KIAA1671: variants seen among roughly 807,000 people sequenced by gnomAD.
The protein encoded by KIAA1671 is KIAA1671, also known as uncharacterized protein KIAA1671.
Under a neutral mutation model 131.2 loss-of-function variants are expected in KIAA1671, and 52 were observed. That is an observed-to-expected ratio of 0.40 (90% CI 0.32 to 0.50). The LOEUF (loss-of-function observed/expected upper bound fraction) is 0.50, where lower values mean the gene tolerates loss of function less well. Ranked by LOEUF, KIAA1671 falls within the 20% of genes least tolerant of loss-of-function variation. The probability of loss-of-function intolerance (pLI) is 0.73; values close to 1 mark genes in which losing one functional copy is unlikely to be tolerated. For synonymous variants in KIAA1671, 1,003 were observed against 961.6 expected (o/e 1.04, Z -0.80); for missense variants, 2,360 against 2,364.2 (o/e 1.00, Z 0.04).
chr22:25,081,255 T>C (rs1929391472), intron 6 of KIAA1671, among the ~76,000 whole-genome samples: 1 of 152,226 alleles, frequency 6.6e-6, no homozygotes, highest in African/African-American at 2.4e-5. Flanking sequence ...AGTTTCTTCC[T>C]GTGCACAATC....
chr22:25,163,397 T>C (rs1196734979), intron 6 of KIAA1671, among the ~76,000 whole-genome samples: 1 of 139,418 alleles, frequency 7.2e-6, no homozygotes, highest in Non-Finnish European at 1.5e-5. Flanking sequence ...CATCTTTCTG[T>C]GACAGTAAAT....
chr22:24,977,399 G>A (rs537940933), intron 1 of KIAA1671, among the ~76,000 whole-genome samples: 1 of 152,192 alleles, frequency 6.6e-6, no homozygotes, highest in Non-Finnish European at 1.5e-5. Context: ...GATAAACCGG[G>A]CTGGAGGCCT....
intron 6 of KIAA1671, among the ~76,000 whole-genome samples, chr22:25,117,658 G>T (rs542787309): frequency 1.3e-5 from 2 of 149,172 alleles, no homozygotes; most frequent in East Asian, 2.0e-4. Flanking sequence ...TTCAGCAAGT[G>T]GGGGAGAATT....
At chr22:25,018,382 CTT>C (rs1199522807) in intron 1 of KIAA1671, among the ~76,000 whole-genome samples, 3 of 144,866 alleles carry the variant, frequency 2.1e-5, no homozygotes, top group Admixed American at 6.9e-5. Context: ...TAGGTTTTTG[CTT>C]TTTTTTTTTA....
rs992208009 is a variant in KIAA1671, at chr22:25,194,655, C to A, written c.*2254C>A. ...TAATTGGAAAAATAATCAATTAATT[C>A]TATGTTAATTAGGATATACAAAGTT... On this transcript the variant is annotated 3_prime_UTR_variant, in exon 13 of 13. Transcript: ENST00000358431. The A allele has an allele frequency of 6.6e-6, 1 of 152,118 alleles. No homozygotes were observed. Among genetic ancestry groups the A allele is most frequent in the African/African-American group, 2.4e-5 (1 of 41,416 alleles). The allele number at this position is 152,118 out of a possible 1,614,324, so 9.4% of individuals were successfully genotyped here. A position where few individuals can be genotyped will look rare whatever the true frequency, so the allele number is the denominator to read the frequency against.
intron 1 of KIAA1671, among the ~76,000 whole-genome samples, chr22:24,979,163 T>G (rs1386347659): frequency 3.2e-5 from 4 of 125,120 alleles, no homozygotes; most frequent in Admixed American, 8.2e-5. Flanking sequence ...GCCTGGCTAA[T>G]TTTTGTATTT....
At chr22:25,090,374 A>AC (rs756973579) in intron 6 of KIAA1671, among the ~76,000 whole-genome samples, 4 of 152,032 alleles carry the variant, frequency 2.6e-5, no homozygotes, top group Non-Finnish European at 5.9e-5. Context: ...TTTAGCTGGG[A>AC]CCCCACCCTA....
Position 25,028,320 on chromosome 22 carries a change from C to T in KIAA1671, c.321C>T (p.Asp107=). 1 of 1,551,032 alleles carries T rather than the reference C, an allele frequency of 6.4e-7. No homozygotes were observed. ...AGGAGCCAGCAGCAAAGGATCTGGA[C>T]AACAGGATGCCCGGCTTGGTGGGGC... ...LSEEPAAKDL[D]NRMPGLVGQE... is the part of the protein sequence containing the mutation. The change falls in exon 3 of 13, where the codon GAC becomes GAT. Residue 107 remains aspartate (D), a synonymous_variant. Coordinates refer to ENST00000358431, the MANE Select transcript of KIAA1671 (RefSeq NM_001145206.2).
At chr22:25,170,213 G>A (rs547671786) in intron 6 of KIAA1671, among the ~76,000 whole-genome samples, 9 of 152,148 alleles carry the variant, frequency 5.9e-5, no homozygotes, top group East Asian at 3.9e-4. Flanking sequence ...ATGCCCGGCC[G>A]TAATTTCATG....
At chr22:25,188,862 A>C (rs1383279741) in intron 11 of KIAA1671, among the ~76,000 whole-genome samples, 1 of 152,208 alleles carries the variant, frequency 6.6e-6, no homozygotes, top group African/African-American at 2.4e-5. Flanking sequence ...CAGGGGCGGC[A>C]GAGGCAGAAG....
chr22:25,089,814 G>A (rs540790525), intron 6 of KIAA1671, among the ~76,000 whole-genome samples: 52 of 152,270 alleles, frequency 3.4e-4, no homozygotes, highest in African/African-American at 1.2e-3. Context: ...GAACATTGTT[G>A]TGCAGACACC....
chr22:25,074,337 T>C (rs1340962804), intron 6 of KIAA1671, among the ~76,000 whole-genome samples: 1 of 151,358 alleles, frequency 6.6e-6, no homozygotes, highest in African/African-American at 2.4e-5. Context: ...AAACCACATC[T>C]ACACTAAAAA....
chr22:25,150,548 A>G (rs1933000285), intron 6 of KIAA1671, among the ~76,000 whole-genome samples: 2 of 151,996 alleles, frequency 1.3e-5, no homozygotes, highest in Admixed American at 6.6e-5. Flanking sequence ...CGACACCCCA[A>G]CACCCTTCTC....
intron 6 of KIAA1671, among the ~76,000 whole-genome samples, chr22:25,065,764 C>T (rs149461545): frequency 2.6e-3 from 387 of 151,710 alleles, no homozygotes; most frequent in African/African-American, 8.8e-3. Context: ...CTCAGCCTCC[C>T]GAGTAGGTGG....
Position 25,192,881 on chromosome 22 carries a change from T to C in KIAA1671, c.*480T>C, listed in dbSNP as rs1934713616. 1 of 152,110 alleles carries C rather than the reference T, an allele frequency of 6.6e-6. No individual in the cohort carries two copies. Among genetic ancestry groups the C allele is most frequent in the Non-Finnish European group, 1.5e-5 (1 of 68,002 alleles). 9.4% of individuals were successfully genotyped at this position (152,110 alleles called of 1,614,324 possible). On this transcript the variant is annotated 3_prime_UTR_variant, in exon 13 of 13. Transcript: ENST00000358431. ...AGATCAAACTGTTCATTTTCTGCTG[T>C]AGTCTCGGTGCAGGGTATTACCGCT... is the stretch of plus-strand genomic sequence containing the variant.
At chr22:24,966,430 T>C (rs1194698852) in intron 1 of KIAA1671, among the ~76,000 whole-genome samples, 1 of 152,198 alleles carries the variant, frequency 6.6e-6, no homozygotes, top group Non-Finnish European at 1.5e-5. Flanking sequence ...CACTGCCCGC[T>C]CAGCCTTGCC....
intron 1 of KIAA1671, among the ~76,000 whole-genome samples, chr22:24,991,526 G>A (rs1204914765): frequency 6.7e-6 from 1 of 149,604 alleles, no homozygotes; most frequent in South Asian, 2.1e-4. Flanking sequence ...GCAGGATCTC[G>A]GCTCACTGCA....
chr22:24,956,716 C>CA (rs1033079821), intron 1 of KIAA1671, among the ~76,000 whole-genome samples: 1 of 151,394 alleles, frequency 6.6e-6, no homozygotes, highest in African/African-American at 2.4e-5. Context: ...AATACGAAAA[C>CA]AAAAAATTAG....
intron 1 of KIAA1671, among the ~76,000 whole-genome samples, chr22:25,004,850 G>A (rs1924660996): frequency 6.6e-6 from 1 of 151,826 alleles, no homozygotes; most frequent in South Asian, 2.1e-4. Context: ...GGAGGCTGAG[G>A]CAGGAGAATG....
Sources: allele counts gnomAD v4.1 joint callset (sites outside exome capture counted in the v4.1 genomes callset), GRCh38; gene constraint gnomAD v4.1.1; transcripts MANE v1.5; gene names NCBI Gene and HGNC (gene_info 2026-07-23, HGNC 2026-07-21).